Variants in PTPRT observed in about 807,000 individuals in gnomAD.
The protein encoded by PTPRT is receptor-type tyrosine-protein phosphatase T.
PTPRT carries 56 observed loss-of-function variants against 176.8 expected under a neutral mutation model. That is an observed-to-expected ratio of 0.32 (90% CI 0.26 to 0.40). PTPRT has a LOEUF of 0.40. PTPRT is among the 10% of genes least tolerant of loss of function. The probability of loss-of-function intolerance (pLI) is 1.00; values close to 1 mark genes in which losing one functional copy is unlikely to be tolerated. For missense variants in PTPRT, 1,540 were observed against 1,908.2 expected (o/e 0.81, Z 3.60); for synonymous variants, 783 against 739.0 (o/e 1.06, Z -0.96).
chr20:42,253,184 A>C (rs2056577537), intron 13 of PTPRT, among the ~76,000 whole-genome samples: 1 of 152,146 alleles, frequency 6.6e-6, no homozygotes, highest in Non-Finnish European at 1.5e-5. Flanking sequence ...GGCCACAGGG[A>C]TTACATCTTA....
intron 9 of PTPRT, among the ~76,000 whole-genome samples, chr20:42,407,822 AATCT>A (rs1342256825): frequency 1.3e-5 from 2 of 152,180 alleles, no homozygotes; most frequent in Non-Finnish European, 2.9e-5. Context: ...ATTTGGCTAG[AATCT>A]ATCTAAGTAC....
At chr20:42,204,923 G>A (rs2055415396) in intron 15 of PTPRT, among the ~76,000 whole-genome samples, 1 of 151,880 alleles carries the variant, frequency 6.6e-6, no homozygotes, top group Admixed American at 6.6e-5. Flanking sequence ...GGTCTCTATG[G>A]TCCCAGGGGC....
chr20:42,170,597 G>A (rs1207112657), intron 16 of PTPRT, among the ~76,000 whole-genome samples: 1 of 152,134 alleles, frequency 6.6e-6, no homozygotes, highest in African/African-American at 2.4e-5. Context: ...CAGGCTTGTG[G>A]AGAATTAATT....
intron 1 of PTPRT, among the ~76,000 whole-genome samples, chr20:43,025,710 C>T (rs941978145): frequency 5.3e-5 from 8 of 152,144 alleles, no homozygotes; most frequent in Non-Finnish European, 7.4e-5. Flanking sequence ...ACCTATTAGT[C>T]CTGGAATATC....
rs1010108177 is a variant in PTPRT, at chr20:42,205,006, G to T, written c.2343-5618C>A. Reference sequence around the variant, plus strand: ...TTTTTTTATTATACTTTTAGTTTTAGGGTACATGTGCACAACGTGCAGGTT... The same window carrying T: ...TTTTTTTATTATACTTTTAGTTTTATGGTACATGTGCACAACGTGCAGGTT... On this transcript the variant is annotated intron_variant, in intron 15 of 30. Coordinates refer to ENST00000373187, the MANE Select transcript of PTPRT (RefSeq NM_007050.6). 2.1e-5 allele frequency among the ~76,000 whole-genome samples: 3 copies of T among 141,320 alleles called. No homozygotes were observed. The South Asian group carries it at 6.8e-4, about 32-fold the overall frequency. 92.7% of individuals were successfully genotyped at this position (141,320 alleles called of 152,430 possible).
At chr20:42,366,062 C>T (rs2058509955) in intron 9 of PTPRT, among the ~76,000 whole-genome samples, 1 of 152,226 alleles carries the variant, frequency 6.6e-6, no homozygotes, top group East Asian at 1.9e-4. Context: ...TTCCCAAAGC[C>T]CTCACAGGGT....
At chr20:42,147,174 T>C (rs901921655) in intron 17 of PTPRT, among the ~76,000 whole-genome samples, 7 of 152,214 alleles carry the variant, frequency 4.6e-5, no homozygotes, top group African/African-American at 1.4e-4. Flanking sequence ...ATGCTGGCTC[T>C]ATACTTCAGA....
chr20:42,112,475 G>C (rs1987054210), intron 22 of PTPRT, among the ~76,000 whole-genome samples: 1 of 152,222 alleles, frequency 6.6e-6, no homozygotes, highest in Non-Finnish European at 1.5e-5. Context: ...GGGTTGCCCG[G>C]TACGTGGGAC....
intron 9 of PTPRT, among the ~76,000 whole-genome samples, chr20:42,421,505 A>G (rs976821842): frequency 4.6e-5 from 7 of 152,118 alleles, no homozygotes; most frequent in African/African-American, 1.7e-4. Context: ...GTGGGATTTC[A>G]GGGACATGTG....
In PTPRT at chr20:43,153,763, C is replaced by T. The variant is rs372506104; in HGVS notation, c.88+35883G>A. ...GAGGAGTTCTGTAAAAAGATTAGCG[C>T]AATCGGTCAATGTAACTGCAGTGGG... On this transcript the variant is annotated intron_variant, in intron 1 of 30. Transcript: ENST00000373187. Among the ~76,000 whole-genome samples, 16 of 152,292 alleles carry T rather than the reference C, an allele frequency of 1.1e-4. No homozygotes were observed. The South Asian group carries it at 3.1e-3, about 30-fold the overall frequency.
intron 7 of PTPRT, among the ~76,000 whole-genome samples, chr20:42,553,535 C>G (rs2072805226): frequency 6.6e-6 from 1 of 152,012 alleles, no homozygotes; most frequent in Non-Finnish European, 1.5e-5. Flanking sequence ...TCTCTTATAT[C>G]CATGTTTACT....
chr20:43,173,959 C>T (rs911194199), intron 1 of PTPRT, among the ~76,000 whole-genome samples: 3 of 152,180 alleles, frequency 2.0e-5, no homozygotes, highest in African/African-American at 7.2e-5. Context: ...AGCCCTTGAA[C>T]CTCCATAAAA....
At chr20:42,879,022 C>G (rs1031103269) in intron 2 of PTPRT, among the ~76,000 whole-genome samples, 4 of 152,048 alleles carry the variant, frequency 2.6e-5, no homozygotes, top group Non-Finnish European at 5.9e-5. Flanking sequence ...GAGCGAGACT[C>G]CATCTCAAAA....
chr20:42,208,641 A>G (rs1219266325), intron 15 of PTPRT, among the ~76,000 whole-genome samples: 1 of 151,998 alleles, frequency 6.6e-6, no homozygotes, highest in Admixed American at 6.5e-5. Context: ...AAGATTCATA[A>G]AGCAAGTCCT....
At chr20:42,758,553 T>C (rs986836523) in intron 5 of PTPRT, among the ~76,000 whole-genome samples, 3 of 152,168 alleles carry the variant, frequency 2.0e-5, no homozygotes, top group Non-Finnish European at 4.4e-5. Flanking sequence ...TGCTGCTTTT[T>C]ACTTTTTCAC....
chr20:42,460,843 A>G (rs1400765631), intron 8 of PTPRT, among the ~76,000 whole-genome samples: 5 of 152,198 alleles, frequency 3.3e-5, no homozygotes, highest in African/African-American at 1.2e-4. Flanking sequence ...TCTTTCCTTT[A>G]TAAATTACAC....
At chr20:42,268,121 C>T (rs1249229736) in intron 13 of PTPRT, among the ~76,000 whole-genome samples, 2 of 152,102 alleles carry the variant, frequency 1.3e-5, no homozygotes, top group Non-Finnish European at 2.9e-5. Context: ...ATATCCCCAT[C>T]ACTCAGACCC....
At chr20:42,319,507 T>G (rs1294123819) in intron 11 of PTPRT, among the ~76,000 whole-genome samples, 1 of 152,190 alleles carries the variant, frequency 6.6e-6, no homozygotes, top group Admixed American at 6.5e-5. Context: ...TTCAGGCCCA[T>G]GCATTCACAG....
At chr20:42,760,561 ACAAGATTTATCTGAGCGTTTAT>A (rs2076901091) in intron 5 of PTPRT, among the ~76,000 whole-genome samples, 1 of 151,940 alleles carries the variant, frequency 6.6e-6, no homozygotes, top group Non-Finnish European at 1.5e-5. Context: ...GTTCAACTTA[ACAAGATTTATCTGAGCGTTTAT>A]CAAGTAAAAG....
Sources: gnomAD v4.1 joint callset for allele counts (sites outside exome capture counted in the v4.1 genomes callset) on GRCh38, gnomAD v4.1.1 for gene constraint, MANE v1.5 for transcripts, NCBI Gene and HGNC (gene_info 2026-07-23, HGNC 2026-07-21) for gene names.